Variants in KIF4A observed in about 807,000 individuals in gnomAD.
The protein encoded by KIF4A is kinesin family member 4A, also known as chromosome-associated kinesin KIF4A.
In KIF4A, 7 loss-of-function variants were observed where a neutral mutation model predicts 105.9. The observed-to-expected ratio is 0.07, with a 90% CI of 0.04 to 0.12. The LOEUF is 0.12. Among genes scored for constraint, KIF4A ranks in the 10% least tolerant of loss-of-function variants. The probability of loss-of-function intolerance (pLI) is 1.00; values close to 1 mark genes in which losing one functional copy is unlikely to be tolerated. For missense variants in KIF4A, 558 were observed against 929.2 expected, an observed-to-expected ratio of 0.60 and a Z score of 5.19; for synonymous variants, 281 against 331.3, an observed-to-expected ratio of 0.85 and a Z score of 1.65.
chrX:70,408,352 T>A (rs1436222198), intron 28 of KIF4A, among the ~76,000 whole-genome samples: 2 of 111,880 alleles, frequency 1.8e-5, no homozygotes, highest in East Asian at 5.6e-4. Context: ...AGCTAATAAT[T>A]AAGATCAAAC....
chrX:70,341,975 A>T, intron 11 of KIF4A, 44 bp downstream of exon 11: 2 of 1,170,422 alleles, frequency 1.7e-6, no homozygotes, highest in South Asian at 4.0e-5. Flanking sequence ...AACATTTACT[A>T]GCTTTAGTTT....
intron 11 of KIF4A, among the ~76,000 whole-genome samples, chrX:70,342,398 T>G: frequency 8.9e-6 from 1 of 112,207 alleles, no homozygotes; most frequent in Admixed American, 9.5e-5. Context: ...TTAATTCATT[T>G]TCCATGTGAT....
intron 15 of KIF4A, among the ~76,000 whole-genome samples, chrX:70,364,327 C>T (rs1434391852): frequency 9.0e-6 from 1 of 110,526 alleles, no homozygotes; most frequent in Non-Finnish European, 1.9e-5. Flanking sequence ...TGCCTGTGTC[C>T]TGAATGGTAT....
chrX:70,386,705 A>T lies in KIF4A; in HGVS notation c.2118+4A>T, dbSNP rs769049460. On this transcript the variant is annotated splice_donor_region_variant and intron_variant, in intron 19 of 30. Transcript: ENST00000374403. ...GCTCAGACGTAAAACGGAGGAGGTAAGAAAATTCAATCTGCTAGGTCAAGT... is the reference window on the plus strand; with the variant it reads ...GCTCAGACGTAAAACGGAGGAGGTATGAAAATTCAATCTGCTAGGTCAAGT... 1 of 1,167,527 alleles carries T rather than the reference A, an allele frequency of 8.6e-7. No individual in the cohort carries two copies. Among genetic ancestry groups the T allele is most frequent in the East Asian group, 3.0e-5 (1 of 33,677 alleles).
chrX:70,353,156 G>C (rs1048904030), intron 14 of KIF4A, among the ~76,000 whole-genome samples: 1 of 112,263 alleles, frequency 8.9e-6, no homozygotes, highest in Non-Finnish European at 1.9e-5. Flanking sequence ...AAAATGAAAG[G>C]CTGGATGATG....
At chrX:70,383,043 C>T (rs192423085) in intron 18 of KIF4A, among the ~76,000 whole-genome samples, 4 of 109,844 alleles carry the variant, frequency 3.6e-5, no homozygotes, top group Admixed American at 2.9e-4. Context: ...AAAAAGTGGC[C>T]GGGTGTGGTG....
chrX:70,349,066 TC>T (rs2086008135), intron 13 of KIF4A, among the ~76,000 whole-genome samples: 1 of 90,627 alleles, frequency 1.1e-5, no homozygotes, highest in Non-Finnish European at 2.1e-5. Flanking sequence ...GCAGAGGCGC[TC>T]CTCACCTCCC....
Position 70,406,313 on chromosome X carries a change from C to A in KIF4A, c.3031C>A (p.Leu1011Ile), listed in dbSNP as rs1462934009. The A allele has an allele frequency of 8.3e-7, 1 of 1,208,278 alleles. No homozygotes were observed. The highest frequency in any genetic ancestry group is 2.3e-4 in the Middle Eastern group (1 of 4,346). Residue 1011 changes from leucine (L) to isoleucine (I), a missense_variant, in exon 27 of 31, where the codon CTT becomes ATT. Leu to Ile is a conservative substitution (Grantham distance 5). This residue lies in a region of KIF4A where 469 missense variants were observed against 680.4 expected (regional missense o/e 0.69). Transcript: ENST00000374403. The stretch of plus-strand genomic sequence containing the variant: ...ACAGAAACATCTTCCTAAGGATACC[C>A]TTCTATCTCCAGACTCTTCTTTTGA... ...SRQKHLPKDTLLSPDSSFEYV... is the reference protein window; with the variant it reads ...SRQKHLPKDTILSPDSSFEYV...
At chrX:70,303,795 A>G in intron 7 of KIF4A, among the ~76,000 whole-genome samples, 1 of 110,704 alleles carries the variant, frequency 9.0e-6, no homozygotes, top group Admixed American at 9.6e-5. Flanking sequence ...TACAATCATC[A>G]TCATAATCTA....
chrX:70,347,607 T>C (rs1470343841), intron 13 of KIF4A, among the ~76,000 whole-genome samples: 1 of 111,703 alleles, frequency 9.0e-6, no homozygotes, highest in Non-Finnish European at 1.9e-5. Flanking sequence ...GGCCTCTGAT[T>C]AGTCCTTATA....
At chrX:70,395,539 T>A (rs932865514) in intron 20 of KIF4A, 132 bp from the exon 21 acceptor site, 1 of 764,132 alleles carries the variant, frequency 1.3e-6, no homozygotes, top group African/African-American at 2.1e-5. Context: ...TTGGTAAGTG[T>A]AGGTATGAAT....
chrX:70,405,331 G>A (rs1487797614), intron 25 of KIF4A, among the ~76,000 whole-genome samples: 2 of 111,220 alleles, frequency 1.8e-5, no homozygotes, highest in Non-Finnish European at 1.9e-5. Flanking sequence ...GGTTTCCTTG[G>A]CACCTTCCAT....
chrX:70,369,716 A>T (rs919150079), intron 15 of KIF4A, among the ~76,000 whole-genome samples: 2 of 111,677 alleles, frequency 1.8e-5, no homozygotes, highest in East Asian at 5.6e-4. Flanking sequence ...TTAAGTTAAA[A>T]ATGGCAAGTT....
At chrX:70,414,392 GA>G (rs1007448572) in intron 28 of KIF4A, among the ~76,000 whole-genome samples, 2 of 109,395 alleles carry the variant, frequency 1.8e-5, no homozygotes, top group African/African-American at 6.6e-5. Flanking sequence ...GATGTGACAG[GA>G]AAAAAAAAGC....
intron 3 of KIF4A, among the ~76,000 whole-genome samples, chrX:70,291,265 T>C (rs1205409305): frequency 8.9e-6 from 1 of 111,838 alleles, no homozygotes; most frequent in African/African-American, 3.2e-5. Context: ...TGTACCTATC[T>C]TTTAGAAGAA....
In KIF4A at chrX:70,319,477, C is replaced by G. The variant is rs146518837; in HGVS notation, c.779-9928C>G. Among the ~76,000 whole-genome samples the G allele has an allele frequency of 5.1e-3, 563 of 110,967 alleles. 26 individuals are homozygous for G. The East Asian group carries it at 0.093, about 18-fold the overall frequency. ...TCCTAGTACTGCTTATTAAAAAGTC[C>G]GTTCTTTCCCTACTGATAAGCAGTG... On this transcript the variant is annotated intron_variant, in intron 7 of 30. Transcript: ENST00000374403.
In KIF4A at chrX:70,417,826, T is replaced by TC. The variant is rs1243556887; in HGVS notation, c.3256-61dup. The TC allele has an allele frequency of 3.3e-6, 3 of 913,256 alleles. No homozygotes were observed. In the African/African-American group the frequency reaches 6.0e-5, roughly 18 times the overall value. The allele number at this position is 913,256 out of a possible 1,213,427, so 75.3% of individuals were successfully genotyped here. A position where few individuals can be genotyped will look rare whatever the true frequency, so the allele number is the denominator to read the frequency against. ...AGAAAAGCTTGCAAATGAAGGGAAG[T>TC]CATTTTAAACTAGTCTTCTAACCCT... On this transcript the variant is annotated intron_variant, in intron 28 of 30. Coordinates refer to ENST00000374403, the MANE Select transcript of KIF4A (RefSeq NM_012310.5).
chrX:70,365,411 C>T (rs1019114527), intron 15 of KIF4A, among the ~76,000 whole-genome samples: 10 of 111,717 alleles, frequency 9.0e-5, no homozygotes, highest in East Asian at 2.8e-4. Context: ...TTTTGAGATA[C>T]GTCCCATCAA....
chrX:70,352,838 A>G (rs1304380738), intron 14 of KIF4A, among the ~76,000 whole-genome samples, 182 bp downstream of exon 14: 3 of 112,051 alleles, frequency 2.7e-5, no homozygotes, highest in Non-Finnish European at 5.6e-5. Context: ...AGGCTCTACC[A>G]CTAATAGTAT....
Sources: gnomAD v4.1 joint callset for allele counts (sites outside exome capture counted in the v4.1 genomes callset) on GRCh38, gnomAD v4.1.1 for gene constraint, gnomAD v4.1.1 regional missense constraint, MANE v1.5 for transcripts, NCBI Gene and HGNC (gene_info 2026-07-23, HGNC 2026-07-21) for gene names.